SMIM36: variants seen among roughly 807,000 people sequenced by gnomAD.
SMIM36 encodes small integral membrane protein 36.
chr17:55,472,882 G>A (rs4570923), intron 3 of SMIM36, among the ~76,000 whole-genome samples: 7,196 of 120,174 alleles, frequency 0.06, 254 homozygotes, highest in East Asian at 0.12. Flanking sequence ...AAAAAAAAAA[G>A]AAAAGAAAAG....
intron 1 of SMIM36, among the ~76,000 whole-genome samples, chr17:55,499,234 G>A (rs1293279300): frequency 6.6e-6 from 1 of 152,064 alleles, no homozygotes; most frequent in South Asian, 2.1e-4. Context: ...AAGTCCTTTG[G>A]ATTAAACAGA....
intron 1 of SMIM36, among the ~76,000 whole-genome samples, chr17:55,491,019 C>T (rs1567868227): frequency 6.6e-6 from 1 of 151,890 alleles, no homozygotes; most frequent in Non-Finnish European, 1.5e-5. Flanking sequence ...CTTTGGGAGC[C>T]TGAGACAGGA....
chr17:55,457,690 C>G (rs924958774), intron 4 of SMIM36, among the ~76,000 whole-genome samples: 7 of 151,654 alleles, frequency 4.6e-5, no homozygotes, highest in African/African-American at 1.7e-4. Flanking sequence ...CCATGCCCAG[C>G]TAATTTTTGT....
chr17:55,493,081 C>T (rs1909741166), intron 1 of SMIM36, among the ~76,000 whole-genome samples: 1 of 152,204 alleles, frequency 6.6e-6, no homozygotes, highest in Non-Finnish European at 1.5e-5. Flanking sequence ...CCTCAGCCCC[C>T]TGTTAAGCTT....
intron 3 of SMIM36, among the ~76,000 whole-genome samples, chr17:55,469,983 A>T (rs201329411): frequency 1.1e-4 from 3 of 26,800 alleles, no homozygotes; most frequent in Non-Finnish European, 2.0e-4. Context: ...ACTCCATCTA[A>T]AAAAAAAACA....
At chr17:55,511,225 C>G (rs1306547244) in exon 1 of SMIM36, 3 of 398,540 alleles carry the variant, frequency 7.5e-6, no homozygotes, top group African/African-American at 6.2e-5. Flanking sequence ...CTTGCCTCGG[C>G]AGTCGTATAG....
the SMIM36 span, among the ~76,000 whole-genome samples, chr17:55,522,609 C>T: frequency 1.6e-4 from 25 of 152,176 alleles, no homozygotes; most frequent in African/African-American, 5.8e-4. Context: ...CAAACTGCCC[C>T]TGTGATTCAA....
chr17:55,515,092 T>TTTTTG (rs1910249086), upstream of SMIM36, among the ~76,000 whole-genome samples: 1 of 102,236 alleles, frequency 9.8e-6, no homozygotes, highest in Non-Finnish European at 1.6e-5. Flanking sequence ...TAGTGTTTTT[T>TTTTTG]TTTTTTTTTT....
intron 4 of SMIM36, among the ~76,000 whole-genome samples, chr17:55,460,455 A>AAAAAAAAAAAAAAAAAAAAC (rs1567862737): frequency 1.3e-5 from 2 of 148,802 alleles, no homozygotes; most frequent in African/African-American, 5.0e-5. Context: ...AACAAAACAA[A>AAAAAAAAAAAAAAAAAAAAC]AAAAAAGAAC....
chr17:55,487,759 C>T (rs1264065048), intron 1 of SMIM36, among the ~76,000 whole-genome samples: 1 of 152,194 alleles, frequency 6.6e-6, no homozygotes, highest in Admixed American at 6.6e-5. Flanking sequence ...AAAAACATCA[C>T]AGAAAGGAGA....
At chr17:55,457,232 G>A (rs564268412) in intron 4 of SMIM36, among the ~76,000 whole-genome samples, 61 of 151,860 alleles carry the variant, frequency 4.0e-4, no homozygotes, top group Non-Finnish European at 6.2e-4. Flanking sequence ...GGCGGATCAC[G>A]AGGTCAGGAG....
chr17:55,526,603 T>C, the SMIM36 span, among the ~76,000 whole-genome samples: 543 of 152,362 alleles, frequency 3.6e-3, 11 homozygotes, highest in Admixed American at 0.032. Context: ...TGACCATGTG[T>C]AAGTCTAAGA....
At chr17:55,522,454 G>A in the SMIM36 span, among the ~76,000 whole-genome samples, 1 of 152,208 alleles carries the variant, frequency 6.6e-6, no homozygotes, top group African/African-American at 2.4e-5. Flanking sequence ...GGCTGGGGAG[G>A]CCTCACAATC....
intron 1 of SMIM36, among the ~76,000 whole-genome samples, chr17:55,492,512 C>A (rs1434670158): frequency 6.6e-6 from 1 of 151,682 alleles, no homozygotes; most frequent in Non-Finnish European, 1.5e-5. Flanking sequence ...CCCTCCTCAG[C>A]CTCCCGAAGT....
chr17:55,517,620 T>C, the SMIM36 span, among the ~76,000 whole-genome samples: 1 of 152,314 alleles, frequency 6.6e-6, no homozygotes, highest in African/African-American at 2.4e-5. Context: ...TGGTTCTTAT[T>C]ACCAAGGTCA....
intron 3 of SMIM36, among the ~76,000 whole-genome samples, chr17:55,469,991 A>C (rs201875188): frequency 6.9e-4 from 101 of 147,044 alleles, no homozygotes; most frequent in East Asian, 2.0e-3. Context: ...TAAAAAAAAA[A>C]CAAAAAAAAA....
At chr17:55,463,243 A>G (rs983334636) in intron 4 of SMIM36, among the ~76,000 whole-genome samples, 1 of 152,114 alleles carries the variant, frequency 6.6e-6, no homozygotes, top group Non-Finnish European at 1.5e-5. Flanking sequence ...TAGGCACAGT[A>G]AGAGACTAAT....
intron 1 of SMIM36, among the ~76,000 whole-genome samples, chr17:55,481,956 C>T (rs1027909944): frequency 6.6e-6 from 1 of 152,162 alleles, no homozygotes; most frequent in Non-Finnish European, 1.5e-5. Flanking sequence ...ATCGACCTCC[C>T]AAAGTGCTGG....
intron 3 of SMIM36, among the ~76,000 whole-genome samples, chr17:55,470,457 G>A (rs1237086558): frequency 1.3e-5 from 2 of 152,220 alleles, no homozygotes; most frequent in East Asian, 3.9e-4. Flanking sequence ...TCAAGGGCCT[G>A]TTTCCCTTGC....
Sources: allele counts gnomAD v4.1 joint callset (sites outside exome capture counted in the v4.1 genomes callset), GRCh38; gene constraint gnomAD v4.1.1; transcripts MANE v1.5; gene names NCBI Gene and HGNC (gene_info 2026-07-23, HGNC 2026-07-21).